Variants in TYW1B observed in about 807,000 individuals in gnomAD.
TYW1B encodes tRNA-yW synthesizing protein 1 homolog B.
TYW1B carries 73 observed loss-of-function variants against 86.9 expected under a neutral mutation model. That is an observed-to-expected ratio of 0.84 (90% CI 0.70 to 1.02). The LOEUF (loss-of-function observed/expected upper bound fraction) is 1.02. Ranked by LOEUF, TYW1B falls within the 50% of genes least tolerant of loss-of-function variation. The pLI, the probability that TYW1B is intolerant of heterozygous loss-of-function variation, is 0.00. For missense variants in TYW1B, 637 were observed against 827.4 expected (o/e 0.77, Z 2.82); for synonymous variants, 248 against 292.8 (o/e 0.85, Z 1.56).
In TYW1B at chr7:72,574,695, T is replaced by C. The variant is rs1250909024; in HGVS notation, c.*803A>G. On this transcript the variant is annotated 3_prime_UTR_variant, in exon 14 of 14. Transcript: ENST00000620995. ...AGTCAAAGAAGATGGAGACCCGCCG[T>C]CTGGTCGTGATATGAGAGGCCCGGA... 8 of 985,392 alleles carry C rather than the reference T, an allele frequency of 8.1e-6. No homozygotes were observed. The African/African-American group carries it at 1.2e-4, about 15-fold the overall frequency. The allele number at this position is 985,392 out of a possible 1,614,324, so 61.0% of individuals were successfully genotyped here. A position where few individuals can be genotyped will look rare whatever the true frequency, so the allele number is the denominator to read the frequency against.
chr7:72,761,041 A>C (rs1219373621), intron 7 of TYW1B, among the ~76,000 whole-genome samples: 2 of 152,242 alleles, frequency 1.3e-5, no homozygotes, highest in Non-Finnish European at 2.9e-5. Context: ...AATTCTCATA[A>C]GAAATCTAGG....
chr7:72,786,274 G>C (rs1200909025), intron 6 of TYW1B, among the ~76,000 whole-genome samples: 1 of 152,044 alleles, frequency 6.6e-6, no homozygotes, highest in East Asian at 1.9e-4. Context: ...AAAACTGGTA[G>C]CTTATTTTTG....
intron 2 of TYW1B, among the ~76,000 whole-genome samples, chr7:72,825,147 G>C (rs1172931438): frequency 6.7e-6 from 1 of 148,754 alleles, no homozygotes; most frequent in Non-Finnish European, 1.5e-5. Flanking sequence ...GTACATACCA[G>C]ATAATCTCAC....
intron 9 of TYW1B, among the ~76,000 whole-genome samples, chr7:72,717,250 G>A (rs1411939291): frequency 3.3e-5 from 5 of 151,346 alleles, no homozygotes; most frequent in African/African-American, 1.2e-4. Context: ...GCAGTGAGCT[G>A]AGACTGCGCC....
At chr7:72,759,440 A>C (rs988234289) in intron 7 of TYW1B, among the ~76,000 whole-genome samples, 4 of 134,648 alleles carry the variant, frequency 3.0e-5, no homozygotes, top group Admixed American at 1.6e-4. Context: ...ATTAATAAGA[A>C]ATGGAATAAG....
At position 72,598,548 on chromosome 7, in the gene TYW1B, G is replaced by T. The variant is rs145383146; in HGVS notation, c.1785+18124C>A. Among the ~76,000 whole-genome samples the T allele has an allele frequency of 1.3e-4, 20 of 152,306 alleles. No individual in the cohort carries two copies. In the East Asian group the frequency reaches 3.7e-3, roughly 28 times the overall value. On this transcript the variant is annotated intron_variant, in intron 13 of 13. Transcript: ENST00000620995. ...CCAGAGCTCTCAATGAGGCTGAAAA[G>T]CAGGTTTATGTAGAAGAAGTTTTAA...
chr7:72,626,307 T>C (rs1158298304), intron 12 of TYW1B, among the ~76,000 whole-genome samples: 2 of 150,980 alleles, frequency 1.3e-5, no homozygotes, highest in Non-Finnish European at 2.9e-5. Context: ...AGGGTTCAGT[T>C]TCAAAGCCAT....
At chr7:72,685,943 T>C (rs1226442799) in intron 11 of TYW1B, among the ~76,000 whole-genome samples, 3 of 151,918 alleles carry the variant, frequency 2.0e-5, no homozygotes, top group Admixed American at 2.0e-4. Flanking sequence ...ATCTCAACAA[T>C]AAGAAAATGA....
chr7:72,659,569 C>T (rs1554444188), intron 11 of TYW1B, among the ~76,000 whole-genome samples: 1 of 152,080 alleles, frequency 6.6e-6, no homozygotes, highest in African/African-American at 2.4e-5. Context: ...CCGAAGGAGA[C>T]TCTGTCTCAA....
At chr7:72,750,259 C>G (rs1554464828) in intron 7 of TYW1B, among the ~76,000 whole-genome samples, 1 of 152,136 alleles carries the variant, frequency 6.6e-6, no homozygotes, top group Non-Finnish European at 1.5e-5. Context: ...CTGCTAGCAA[C>G]AAATTCTTTC....
At chr7:72,589,845 C>T (rs1248768473) in intron 13 of TYW1B, among the ~76,000 whole-genome samples, 1 of 152,156 alleles carries the variant, frequency 6.6e-6, no homozygotes, top group African/African-American at 2.4e-5. Context: ...CATTGCACTC[C>T]AGCCTGGGCA....
At chr7:72,742,189 G>A (rs1787317741) in intron 8 of TYW1B, among the ~76,000 whole-genome samples, 1 of 152,122 alleles carries the variant, frequency 6.6e-6, no homozygotes, top group African/African-American at 2.4e-5. Flanking sequence ...GAGTGCAGTG[G>A]CACAATCAAG....
chr7:72,631,369 CCAGGCATGGTGG>C (rs1812486974), intron 11 of TYW1B, among the ~76,000 whole-genome samples: 2 of 151,996 alleles, frequency 1.3e-5, no homozygotes, highest in Non-Finnish European at 2.9e-5. Context: ...CAAAAATTAG[CCAGGCATGGTGG>C]CAGGCACCTG....
intron 9 of TYW1B, among the ~76,000 whole-genome samples, chr7:72,721,621 C>T (rs1585929710): frequency 6.6e-6 from 1 of 151,674 alleles, no homozygotes; most frequent in Non-Finnish European, 1.5e-5. Flanking sequence ...CACACACACA[C>T]ATGCACACAC....
At chr7:72,667,048 A>AAAAAAAAAAAAAAAG (rs60588106) in intron 11 of TYW1B, among the ~76,000 whole-genome samples, 8 of 131,448 alleles carry the variant, frequency 6.1e-5, no homozygotes, top group African/African-American at 9.4e-5. Flanking sequence ...AAAAAAAAAA[A>AAAAAAAAAAAAAAAG]AAAGAAACTA....
At chr7:72,655,872 C>T (rs1554443556) in intron 11 of TYW1B, among the ~76,000 whole-genome samples, 1 of 152,220 alleles carries the variant, frequency 6.6e-6, no homozygotes, top group African/African-American at 2.4e-5. Context: ...CTGTCACCAA[C>T]TGCATGTCTC....
At chr7:72,669,090 C>G (rs186454942) in intron 11 of TYW1B, among the ~76,000 whole-genome samples, 1 of 127,990 alleles carries the variant, frequency 7.8e-6, no homozygotes, top group African/African-American at 2.9e-5. Context: ...CATTTATACA[C>G]AAAAATTATT....
At chr7:72,593,985 A>G (rs1254640127) in intron 13 of TYW1B, among the ~76,000 whole-genome samples, 4 of 151,932 alleles carry the variant, frequency 2.6e-5, no homozygotes, top group African/African-American at 9.7e-5. Context: ...AAATGAAACC[A>G]CCACATATCA....
intron 11 of TYW1B, among the ~76,000 whole-genome samples, chr7:72,684,891 ACT>A (rs1813969091): frequency 6.6e-6 from 1 of 152,122 alleles, no homozygotes; most frequent in African/African-American, 2.4e-5. Context: ...AAGGCGGATC[ACT>A]TGAGGTCAGG....
Sources: gnomAD v4.1 joint callset for allele counts (sites outside exome capture counted in the v4.1 genomes callset) on GRCh38, gnomAD v4.1.1 for gene constraint, MANE v1.5 for transcripts, NCBI Gene and HGNC (gene_info 2026-07-23, HGNC 2026-07-21) for gene names.